The following NEK6 variants were observed in gnomAD, a reference collection of about 807,000 sequenced individuals.
NEK6 encodes the protein serine/threonine-protein kinase Nek6.
Under a neutral mutation model 43.5 loss-of-function variants are expected in NEK6, and 27 were observed. The observed-to-expected ratio is 0.62, with a 90% CI of 0.46 to 0.86. NEK6 has a LOEUF of 0.86. Among genes scored for constraint, NEK6 ranks in the 40% least tolerant of loss-of-function variants. The pLI, the probability that NEK6 is intolerant of heterozygous loss-of-function variation, is 0.00. For missense variants in NEK6, 318 were observed against 414.4 expected (o/e 0.77, Z 2.02); for synonymous variants, 167 against 164.1 (o/e 1.02, Z -0.14).
Position 124,324,859 on chromosome 9 carries a change from A to G in NEK6, c.406-1471A>G, listed in dbSNP as rs150786204. On this transcript the variant is annotated intron_variant, in intron 5 of 9. Coordinates refer to ENST00000320246, the MANE Select transcript of NEK6 (RefSeq NM_014397.6). The surrounding 1 kb of genome is among the most constrained non-coding windows in gnomAD (Gnocchi z 5.3). ...CCTCTGAGCTCAGTCTCCCATATCA[A>G]TGGTTACTGGTGTTATTAGAAGTGG... 1.1e-3 allele frequency among the ~76,000 whole-genome samples: 164 copies of G among 152,228 alleles called. 1 individual carries two copies. The highest frequency in any genetic ancestry group is 3.4e-3 in the African/African-American group (143 of 41,542).
At chr9:124,267,567 C>T (rs1398816586) in intron 1 of NEK6, among the ~76,000 whole-genome samples, 2 of 152,308 alleles carry the variant, frequency 1.3e-5, no homozygotes, top group Middle Eastern at 3.4e-3. Flanking sequence ...GTGTGGGAGC[C>T]GCCTGCTCTT....
At chr9:124,328,310 C>T (rs557280593) in intron 7 of NEK6, among the ~76,000 whole-genome samples, 5 of 152,140 alleles carry the variant, frequency 3.3e-5, no homozygotes, top group Admixed American at 2.0e-4. Context: ...GTCTCCTGTG[C>T]GTTACTACAA....
At chr9:124,344,486 G>A (rs1283006432) in intron 8 of NEK6, among the ~76,000 whole-genome samples, 1 of 152,242 alleles carries the variant, frequency 6.6e-6, no homozygotes, top group Non-Finnish European at 1.5e-5. Context: ...TCTTGAAGAG[G>A]CTGGAATCAG....
At chr9:124,321,656 G>A in intron 5 of NEK6, 87 bp downstream of exon 5, 1 of 902,232 alleles carries the variant, frequency 1.1e-6, no homozygotes, top group South Asian at 1.4e-5. Flanking sequence ...GTCCCACAAT[G>A]CTCTGCCTTT....
chr9:124,321,343 C>G (rs1834054795), intron 4 of NEK6, 116 bp from the exon 5 acceptor site: 1 of 648,276 alleles, frequency 1.5e-6, no homozygotes, highest in Admixed American at 2.4e-5. Flanking sequence ...ACCCACTTCT[C>G]TAGCAAATGC....
intron 8 of NEK6, among the ~76,000 whole-genome samples, chr9:124,347,085 A>G (rs1588553316): frequency 6.6e-6 from 1 of 152,194 alleles, no homozygotes; most frequent in South Asian, 2.1e-4. Context: ...GGTTCCCTCC[A>G]ACATGCTGCT....
intron 1 of NEK6, among the ~76,000 whole-genome samples, chr9:124,281,487 CTTTTT>C (rs759381068): frequency 0.17 from 17,096 of 103,026 alleles, 1,190 homozygotes; most frequent in East Asian, 0.19. Flanking sequence ...GCTGTTTTTT[CTTTTT>C]TTTTTTTTTT....
rs1280412215 is a variant in NEK6, at chr9:124,326,100, G to A, written c.406-230G>A. 1.6e-4 allele frequency among the ~76,000 whole-genome samples: 24 copies of A among 152,222 alleles called. No homozygotes were observed. The highest frequency in any genetic ancestry group is 1.6e-3 in the Admixed American group (24 of 15,288). On this transcript the variant is annotated intron_variant, in intron 5 of 9. Transcript: ENST00000320246. This position sits in a 1 kb window ranked among gnomAD's most constrained non-coding sequence, Gnocchi z 4.5. ...GGCCTGCCTGGCCCTCACGGAGCTT[G>A]CTGGGTTGGGACAGGGTGGCTGCAG... is the stretch of plus-strand genomic sequence containing the variant.
chr9:124,281,491 T>TC (rs1564619939), intron 1 of NEK6, among the ~76,000 whole-genome samples: 1 of 87,052 alleles, frequency 1.1e-5, no homozygotes, highest in Admixed American at 1.1e-4. Flanking sequence ...TTTTTTCTTT[T>TC]TTTTTTTTTT....
intron 7 of NEK6, among the ~76,000 whole-genome samples, chr9:124,333,179 T>A (rs900436132): frequency 6.6e-6 from 1 of 152,180 alleles, no homozygotes; most frequent in Non-Finnish European, 1.5e-5. Context: ...TTCTTTGAAA[T>A]CTCTTGTTTT....
chr9:124,258,338 G>T (rs2118827455), intron 1 of NEK6: 2 of 985,138 alleles, frequency 2.0e-6, no homozygotes, highest in South Asian at 9.4e-5. Flanking sequence ...TGTGCACCCC[G>T]GAGCGTCTGG....
chr9:124,348,082 A>T (rs1424471739), intron 9 of NEK6, among the ~76,000 whole-genome samples: 1 of 152,222 alleles, frequency 6.6e-6, no homozygotes, highest in Admixed American at 6.5e-5. Flanking sequence ...CCACCTGTTC[A>T]GCTCCCAACT....
At chr9:124,335,215 G>A (rs1829224751) in intron 7 of NEK6, among the ~76,000 whole-genome samples, 1 of 151,958 alleles carries the variant, frequency 6.6e-6, no homozygotes, top group Non-Finnish European at 1.5e-5. Context: ...TCCCATGGTT[G>A]GCTACGACAA....
In NEK6 at chr9:124,327,524, C is replaced by T. The variant is rs546782654; in HGVS notation, c.622+79C>T. 5.8e-5 allele frequency: 65 copies of T among 1,122,182 alleles called. 1 individual carries two copies. The highest frequency in any genetic ancestry group is 5.5e-4 in the African/African-American group (36 of 65,660). The allele number at this position is 1,122,182 out of a possible 1,614,324, so 69.5% of individuals were successfully genotyped here. A position where few individuals can be genotyped will look rare whatever the true frequency, so the allele number is the denominator to read the frequency against. ...CAGGGAGACGCAAACATTCTCCCCA[C>T]GTGTGTTTGGTCAGTTAGTGCAGGA... is the stretch of plus-strand genomic sequence containing the variant. On this transcript the variant is annotated intron_variant, in intron 7 of 9. Coordinates refer to ENST00000320246, the MANE Select transcript of NEK6 (RefSeq NM_014397.6).
Position 124,326,434 on chromosome 9 carries a change from C to T in NEK6, c.510C>T (p.His170=), listed in dbSNP as rs1564649545. ...ACATGCATTCACGCCGGGTGATGCACCGAGGTACGTGCCACCCGCCAGGAG... is the reference window on the plus strand; with the variant it reads ...ACATGCATTCACGCCGGGTGATGCATCGAGGTACGTGCCACCCGCCAGGAG... ...VEHMHSRRVM[H]RDIKPANVFI... is the part of the protein sequence containing the mutation. The change falls in exon 6 of 10, where the codon CAC becomes CAT. Residue 170 remains histidine (H), a synonymous_variant. Transcript: ENST00000320246. The surrounding 1 kb of genome is among the most constrained non-coding windows in gnomAD (Gnocchi z 4.5). 1 of 1,606,128 alleles carries T rather than the reference C, an allele frequency of 6.2e-7. No homozygotes were observed. Among genetic ancestry groups the T allele is most frequent in the Non-Finnish European group, 8.5e-7 (1 of 1,178,748 alleles).
intron 1 of NEK6, among the ~76,000 whole-genome samples, chr9:124,295,386 T>C (rs1832637631): frequency 6.6e-6 from 1 of 152,100 alleles, no homozygotes; most frequent in Non-Finnish European, 1.5e-5. Flanking sequence ...AAGTGATGAA[T>C]GGGCAACGTC....
intron 8 of NEK6, among the ~76,000 whole-genome samples, chr9:124,346,613 C>A (rs1385471332): frequency 6.6e-6 from 1 of 152,168 alleles, no homozygotes; most frequent in Non-Finnish European, 1.5e-5. Context: ...CAGGCAGCCA[C>A]AGTGAGCTGG....
intron 8 of NEK6, among the ~76,000 whole-genome samples, chr9:124,339,991 G>A (rs1308242375): frequency 2.0e-5 from 3 of 152,202 alleles, no homozygotes; most frequent in African/African-American, 4.8e-5. Flanking sequence ...ACACACCGGC[G>A]ATTCTGTTCA....
In NEK6 at chr9:124,270,523, T is replaced by TAA. The variant is rs150847752; in HGVS notation, c.-30+12447_-30+12448dup. On this transcript the variant is annotated intron_variant, in intron 1 of 9. Transcript: ENST00000320246. ...GCAAGTTCCCTTGTTCAAAAAGCAG[T>TAA]AAAAAAAAAACACAAAAGTTTTTTC... 2.0e-4 allele frequency among the ~76,000 whole-genome samples: 30 copies of TAA among 149,516 alleles called. 1 individual carries two copies. In the South Asian group the frequency reaches 3.2e-3, roughly 16 times the overall value.
Sources: gnomAD v4.1 joint callset for allele counts (sites outside exome capture counted in the v4.1 genomes callset) on GRCh38, gnomAD v4.1.1 for gene constraint, Gnocchi (gnomAD v3.1) non-coding constraint, MANE v1.5 for transcripts, NCBI Gene and HGNC (gene_info 2026-07-23, HGNC 2026-07-21) for gene names.